Variants in PREP observed in about 807,000 individuals in gnomAD.
The protein encoded by PREP is dJ355L5.1 (prolyl endopeptidase).
A neutral mutation model predicts 87.6 loss-of-function variants in PREP; 29 were observed. The observed-to-expected ratio is 0.33, with a 90% CI of 0.25 to 0.45. The LOEUF (loss-of-function observed/expected upper bound fraction) is 0.45, where lower values mean the gene tolerates loss of function less well. PREP is among the 20% of genes least tolerant of loss of function. The pLI is 1.00. For missense variants in PREP, 695 were observed against 886.5 expected (o/e 0.78, Z 2.74); for synonymous variants, 337 against 328.6 (o/e 1.03, Z -0.28).
At chr6:105,328,233 T>A (rs1055012461) in intron 9 of PREP, among the ~76,000 whole-genome samples, 2 of 152,172 alleles carry the variant, frequency 1.3e-5, no homozygotes, top group Admixed American at 6.5e-5. Flanking sequence ...GACCAAAGAC[T>A]GAATCAAATG....
intron 10 of PREP, chr6:105,298,044 T>G (rs1211884704): frequency 6.6e-6 from 1 of 152,270 alleles, no homozygotes; most frequent in East Asian, 1.9e-4. Context: ...AGCCCGCGGC[T>G]GACCGAAGTT....
intron 7 of PREP, among the ~76,000 whole-genome samples, chr6:105,346,808 C>T (rs7743746): frequency 0.37 from 55,691 of 152,170 alleles, 14,504 homozygotes; most frequent in African/African-American, 0.74. Flanking sequence ...ATATAATTAA[C>T]TTTAAATGTA....
chr6:105,352,749 GA>G (rs1771993425), intron 7 of PREP, among the ~76,000 whole-genome samples: 1 of 152,158 alleles, frequency 6.6e-6, no homozygotes, highest in Non-Finnish European at 1.5e-5. Context: ...ACTATGTGCA[GA>G]AAGTATGGCT....
At chr6:105,282,069 C>T (rs1011597317) in intron 13 of PREP, among the ~76,000 whole-genome samples, 167 bp from the exon 14 acceptor site, 1 of 152,130 alleles carries the variant, frequency 6.6e-6, no homozygotes, top group African/African-American at 2.4e-5. Context: ...CAAAGCTCCC[C>T]ACCCACTCTG....
intron 10 of PREP, among the ~76,000 whole-genome samples, chr6:105,294,812 G>A (rs551909978): frequency 6.6e-6 from 1 of 152,184 alleles, no homozygotes; most frequent in South Asian, 2.1e-4. Context: ...CCTTACCCCT[G>A]GAATATCTGC....
chr6:105,334,713 T>TCAACATCAACAACAACAA, intron 7 of PREP, among the ~76,000 whole-genome samples: 1 of 150,074 alleles, frequency 6.7e-6, no homozygotes, highest in South Asian at 2.1e-4. Context: ...AGACTCTGTC[T>TCAACATCAACAACAACAA]CAACAACAAC....
chr6:105,335,902 AT>A (rs1404449378), intron 7 of PREP, among the ~76,000 whole-genome samples: 8 of 152,262 alleles, frequency 5.3e-5, no homozygotes, highest in Non-Finnish European at 7.4e-5. Context: ...CTCAAAAAAA[AT>A]AAAATAAAAA....
At chr6:105,308,298 C>T (rs1211006915) in intron 10 of PREP, among the ~76,000 whole-genome samples, 3 of 152,014 alleles carry the variant, frequency 2.0e-5, no homozygotes, top group African/African-American at 7.3e-5. Flanking sequence ...AAACACAATA[C>T]GGAATGGGTC....
At chr6:105,398,884 G>T (rs893954676) in intron 1 of PREP, among the ~76,000 whole-genome samples, 2 of 152,156 alleles carry the variant, frequency 1.3e-5, no homozygotes, top group African/African-American at 4.8e-5. Flanking sequence ...GAGGCAGGCG[G>T]ATCACTTGAG....
At chr6:105,327,369 G>A (rs1562201138) in intron 9 of PREP, among the ~76,000 whole-genome samples, 1 of 152,140 alleles carries the variant, frequency 6.6e-6, no homozygotes, top group Admixed American at 6.5e-5. Context: ...CCTGGCTTCT[G>A]GCCCTTGCAT....
intron 2 of PREP, among the ~76,000 whole-genome samples, chr6:105,394,552 T>C (rs1583107769): frequency 6.6e-6 from 1 of 152,250 alleles, no homozygotes. Context: ...TTATATGTTA[T>C]ATGATTATGT....
intron 2 of PREP, among the ~76,000 whole-genome samples, chr6:105,390,437 G>C (rs761546389): frequency 9.2e-5 from 14 of 152,176 alleles, no homozygotes; most frequent in African/African-American, 3.4e-4. Context: ...ATTTTGCCCA[G>C]GGCGGCACTC....
intron 6 of PREP, among the ~76,000 whole-genome samples, chr6:105,367,588 C>T (rs926374409): frequency 2.0e-5 from 3 of 149,888 alleles, no homozygotes; most frequent in Admixed American, 6.7e-5. Flanking sequence ...AGGAGAATGG[C>T]GTGAACCCGG....
chr6:105,344,459 T>C (rs1771744720), intron 7 of PREP, among the ~76,000 whole-genome samples: 2 of 146,684 alleles, frequency 1.4e-5, no homozygotes, highest in Non-Finnish European at 3.0e-5. Context: ...GCCACTGCAC[T>C]CCAGCCTGGG....
chr6:105,313,049 A>G (rs181621395), intron 10 of PREP, among the ~76,000 whole-genome samples: 107 of 152,292 alleles, frequency 7.0e-4, no homozygotes, highest in Non-Finnish European at 1.2e-3. Context: ...ATTTCTGTCT[A>G]TATCTTACAT....
intron 2 of PREP, among the ~76,000 whole-genome samples, chr6:105,379,430 CAG>C (rs1403581640): frequency 3.3e-5 from 5 of 152,204 alleles, no homozygotes; most frequent in African/African-American, 1.2e-4. Context: ...AGAAACCACC[CAG>C]GGGAGCATTT....
chr6:105,314,558 C>T (rs1770822157), intron 10 of PREP, among the ~76,000 whole-genome samples: 2 of 152,174 alleles, frequency 1.3e-5, no homozygotes, highest in Non-Finnish European at 2.9e-5. Context: ...TGCTCATTCA[C>T]AAGAAGGCAA....
intron 6 of PREP, among the ~76,000 whole-genome samples, chr6:105,354,305 T>C (rs1352321410): frequency 6.6e-6 from 1 of 152,218 alleles, no homozygotes; most frequent in African/African-American, 2.4e-5. Context: ...TAACTAGAAG[T>C]AAAATTGCTC....
At chr6:105,287,393 C>A in intron 11 of PREP, among the ~76,000 whole-genome samples, 1 of 152,212 alleles carries the variant, frequency 6.6e-6, no homozygotes, top group South Asian at 2.1e-4. Flanking sequence ...TATGATGATG[C>A]CACATATATC....
Sources: allele counts gnomAD v4.1 joint callset (sites outside exome capture counted in the v4.1 genomes callset), GRCh38; gene constraint gnomAD v4.1.1; transcripts MANE v1.5; gene names NCBI Gene and HGNC (gene_info 2026-07-23, HGNC 2026-07-21).